Variants in AAGAB observed in about 807,000 individuals in gnomAD.
AAGAB encodes alpha and gamma adaptin binding protein.
A neutral mutation model predicts 44.1 loss-of-function variants in AAGAB; 38 were observed. The observed-to-expected ratio is 0.86, with a 90% CI of 0.67 to 1.13. The LOEUF is 1.13. Among genes scored for constraint, AAGAB ranks in the 50% most tolerant of loss-of-function variants. The pLI, the probability that AAGAB is intolerant of heterozygous loss-of-function variation, is 0.00. For missense variants in AAGAB, 450 were observed against 373.8 expected, an observed-to-expected ratio of 1.20 and a Z score of -1.68; for synonymous variants, 131 against 131.8, an observed-to-expected ratio of 0.99 and a Z score of 0.04.
intron 5 of AAGAB, among the ~76,000 whole-genome samples, chr15:67,220,701 A>G (rs991224462): frequency 6.6e-6 from 1 of 152,238 alleles, no homozygotes; most frequent in Non-Finnish European, 1.5e-5. Flanking sequence ...CCTAACTAGT[A>G]GAGGACCTAG....
chr15:67,206,490 T>C (rs1241026662), intron 7 of AAGAB, among the ~76,000 whole-genome samples: 1 of 152,236 alleles, frequency 6.6e-6, no homozygotes, highest in Non-Finnish European at 1.5e-5. Context: ...TTACTGTGTT[T>C]TGTGCCTAAT....
chr15:67,223,727 A>G (rs1964136790), intron 5 of AAGAB, among the ~76,000 whole-genome samples: 1 of 152,186 alleles, frequency 6.6e-6, no homozygotes, highest in South Asian at 2.1e-4. Flanking sequence ...AACCTGCAAC[A>G]GTCCCCTAGT....
Position 67,203,583 on chromosome 15 carries a change from GCGTCGC to G in AAGAB, c.829_834del (p.Ala277_Thr278del). Reference sequence around the variant, plus strand: ...TGCACTTTTCTTTGCTCATGAGGAAGCGTCGCAGCCTTGTCTAGGGGGAAAATATAT... The same window carrying G: ...TGCACTTTTCTTTGCTCATGAGGAAGAGCCTTGTCTAGGGGGAAAATATAT... On this transcript the variant is annotated inframe_deletion, in exon 9 of 10. Transcript: ENST00000261880. 1 of 1,613,666 alleles carries G rather than the reference GCGTCGC, an allele frequency of 6.2e-7. No homozygotes were observed. Among genetic ancestry groups the G allele is most frequent in the Non-Finnish European group, 8.5e-7 (1 of 1,179,828 alleles).
upstream of AAGAB, chr15:67,255,007 C>A (rs1221704987): frequency 7.8e-6 from 12 of 1,532,128 alleles, no homozygotes; most frequent in Non-Finnish European, 1.1e-5. Context: ...CGAGCGAGGT[C>A]CCGCGCGCCG....
chr15:67,221,477 T>C (rs1423359551), intron 5 of AAGAB, among the ~76,000 whole-genome samples: 2 of 152,160 alleles, frequency 1.3e-5, no homozygotes, highest in East Asian at 3.8e-4. Context: ...CCAAAAAGGG[T>C]GGATGATCCT....
chr15:67,253,565 G>A (rs1310928327), intron 1 of AAGAB, among the ~76,000 whole-genome samples: 1 of 152,032 alleles, frequency 6.6e-6, no homozygotes, highest in African/African-American at 2.4e-5. Flanking sequence ...ACCAGCCTGA[G>A]CAACATAGCA....
intron 5 of AAGAB, among the ~76,000 whole-genome samples, chr15:67,214,106 CAAT>C (rs1244779131): frequency 2.0e-5 from 3 of 152,148 alleles, no homozygotes; most frequent in Non-Finnish European, 4.4e-5. Flanking sequence ...GAGACATGGA[CAAT>C]GTTTTGATGC....
chr15:67,244,180 A>T (rs1328498802), intron 1 of AAGAB, among the ~76,000 whole-genome samples: 1 of 152,246 alleles, frequency 6.6e-6, no homozygotes, highest in Non-Finnish European at 1.5e-5. Flanking sequence ...AAGAACATTC[A>T]TTCTGTAGCC....
chr15:67,212,923 T>C (rs1224362883), intron 5 of AAGAB, among the ~76,000 whole-genome samples: 1 of 152,350 alleles, frequency 6.6e-6, no homozygotes, highest in Middle Eastern at 3.4e-3. Context: ...ATTCAGGGCA[T>C]GGAAATGTCA....
intron 5 of AAGAB, among the ~76,000 whole-genome samples, chr15:67,211,318 T>G (rs572292284): frequency 6.6e-6 from 1 of 152,340 alleles, no homozygotes; most frequent in South Asian, 2.1e-4. Context: ...GAGGTTCATG[T>G]GTACTCCTGG....
rs1045738893 is a variant in AAGAB, at chr15:67,202,486, G to A, written c.*335C>T. On this transcript the variant is annotated 3_prime_UTR_variant, in exon 10 of 10. Transcript: ENST00000261880. The stretch of plus-strand genomic sequence containing the variant: ...GAATGCTGGAAATGCTACTTAAAAG[G>A]TTGACCAGGAATGGCCTGGAGGTTG... The A allele has an allele frequency of 8.3e-6, 2 of 239,702 alleles. No individual in the cohort carries two copies. The highest frequency in any genetic ancestry group is 1.6e-5 in the Non-Finnish European group (2 of 123,028). The allele number at this position is 239,702 out of a possible 1,614,324, so 14.8% of individuals were successfully genotyped here.
Position 67,232,078 on chromosome 15 carries a change from AC to A in AAGAB, c.452-182del, listed in dbSNP as rs567585902. On this transcript the variant is annotated intron_variant, in intron 4 of 9. Coordinates refer to ENST00000261880, the MANE Select transcript of AAGAB (RefSeq NM_024666.5). ...AGACCAGCCTGACCAACATAGAGAA[AC>A]CCCATCTCTACTAAAAAATACAAAA... Among the ~76,000 whole-genome samples the A allele has an allele frequency of 8.8e-3, 1,334 of 151,976 alleles. 11 individuals carry two copies. Among genetic ancestry groups the A allele is most frequent in the Non-Finnish European group, 0.015 (1,043 of 67,946 alleles).
At chr15:67,217,927 A>G (rs1406468151) in intron 5 of AAGAB, among the ~76,000 whole-genome samples, 1 of 152,250 alleles carries the variant, frequency 6.6e-6, no homozygotes, top group Non-Finnish European at 1.5e-5. Context: ...TCCTGTTACA[A>G]GTAACAAGGG....
intron 7 of AAGAB, 125 bp downstream of exon 7, chr15:67,208,437 T>C (rs1963733531): frequency 4.3e-6 from 3 of 705,314 alleles, no homozygotes; most frequent in Non-Finnish European, 7.4e-6. Context: ...CATTCATGTG[T>C]GGTATACTAC....
Position 67,203,531 on chromosome 15 carries a change from C to G in AAGAB, c.870+17G>C, listed in dbSNP as rs752343070. 65 of 1,611,474 alleles carry G rather than the reference C, an allele frequency of 4.0e-5. No homozygotes were observed. The Admixed American group carries it at 9.9e-4, about 24-fold the overall frequency. On this transcript the variant is annotated intron_variant, in intron 9 of 9. Transcript: ENST00000261880. The stretch of plus-strand genomic sequence containing the variant: ...CCTTTTATAGGTATTCAATAAATAC[C>G]TGGCTGATTGTCTCACCTTTTCTGC...
intron 1 of AAGAB, among the ~76,000 whole-genome samples, chr15:67,243,703 T>C (rs1964657469): frequency 6.6e-6 from 1 of 152,258 alleles, no homozygotes; most frequent in Non-Finnish European, 1.5e-5. Context: ...CTTAGCTGTA[T>C]TCATGAAACA....
upstream of AAGAB, chr15:67,254,716 C>T (rs2140411902): frequency 7.0e-7 from 1 of 1,421,494 alleles, no homozygotes; most frequent in Non-Finnish European, 9.7e-7. Flanking sequence ...GGAGACAGGC[C>T]GGAGAGGGCG....
chr15:67,208,583 C>T lies in AAGAB; in HGVS notation c.694G>A (p.Ala232Thr). Residue 232 changes from alanine (A) to threonine (T), a missense_variant, in exon 7 of 10, where the codon GCC (alanine) becomes ACC (threonine). By Grantham distance (58) the Ala-to-Thr change is moderately conservative. Transcript: ENST00000261880. ...TTACCCACAATGCTATCAACCTGGG[C>T]ATCTGTTGTGTTAGATGCACCACCC... Reference protein sequence around the residue: ...HRGGASNTTDAQVDSIVDPML... With the variant: ...HRGGASNTTDTQVDSIVDPML... 3 of 1,614,072 alleles carry T rather than the reference C, an allele frequency of 1.9e-6. No individual in the cohort carries two copies. The highest frequency in any genetic ancestry group is 2.5e-6 in the Non-Finnish European group (3 of 1,179,988).
chr15:67,242,044 A>G (rs1274141090), intron 1 of AAGAB, among the ~76,000 whole-genome samples: 1 of 152,232 alleles, frequency 6.6e-6, no homozygotes, highest in Non-Finnish European at 1.5e-5. Context: ...CTATTATGAA[A>G]GAAAAGAACT....
Sources: gnomAD v4.1 joint callset for allele counts (sites outside exome capture counted in the v4.1 genomes callset) on GRCh38, gnomAD v4.1.1 for gene constraint, MANE v1.5 for transcripts, NCBI Gene and HGNC (gene_info 2026-07-23, HGNC 2026-07-21) for gene names.